Variants in PLCB4 observed in about 807,000 individuals in gnomAD.
PLCB4 encodes the protein 1-phosphatidylinositol 4,5-bisphosphate phosphodiesterase beta-4.
PLCB4 carries 77 observed loss-of-function variants against 178.8 expected under a neutral mutation model. That is an observed-to-expected ratio of 0.43 (90% CI 0.36 to 0.52). The LOEUF (loss-of-function observed/expected upper bound fraction) is 0.52, where lower values mean the gene tolerates loss of function less well. Among genes scored for constraint, PLCB4 ranks in the 20% least tolerant of loss-of-function variants. PLCB4 has a pLI of 0.00. For missense variants in PLCB4, 1,024 were observed against 1,453.4 expected (o/e 0.70, Z 4.80); for synonymous variants, 496 against 490.8 (o/e 1.01, Z -0.14).
At chr20:9,115,708 A>G (rs1295322296) in intron 2 of PLCB4, among the ~76,000 whole-genome samples, 1 of 151,178 alleles carries the variant, frequency 6.6e-6, no homozygotes, top group Non-Finnish European at 1.5e-5. Context: ...TGAAATGTAA[A>G]TTTAGTGTAA....
chr20:9,395,849 G>A (rs906581699), intron 19 of PLCB4, among the ~76,000 whole-genome samples: 2 of 152,072 alleles, frequency 1.3e-5, no homozygotes, highest in South Asian at 2.1e-4. Flanking sequence ...GCCTGTGTCT[G>A]TAGTCCCAGC....
At chr20:9,195,232 G>A (rs2093457062) in intron 2 of PLCB4, among the ~76,000 whole-genome samples, 1 of 152,192 alleles carries the variant, frequency 6.6e-6, no homozygotes, top group African/African-American at 2.4e-5. Flanking sequence ...ATGTGGATAT[G>A]AGTCACCTGG....
intron 35 of PLCB4, among the ~76,000 whole-genome samples, chr20:9,463,189 T>C (rs1047673339): frequency 1.3e-5 from 2 of 152,038 alleles, no homozygotes; most frequent in Admixed American, 6.5e-5. Flanking sequence ...GAAGGAGAAA[T>C]AAAATCCTTT....
chr20:9,395,696 G>T lies in PLCB4; in HGVS notation c.1510+78G>T, dbSNP rs192399562. 2.9e-6 allele frequency: 3 copies of T among 1,041,762 alleles called. No individual in the cohort carries two copies. In the Middle Eastern group the frequency reaches 6.7e-4, roughly 232 times the overall value. The allele number at this position is 1,041,762 out of a possible 1,614,324, so 64.5% of individuals were successfully genotyped here. A position where few individuals can be genotyped will look rare whatever the true frequency, so the allele number is the denominator to read the frequency against. On this transcript the variant is annotated intron_variant, in intron 19 of 39. Coordinates refer to ENST00000378473, the MANE Select transcript of PLCB4 (RefSeq NM_001377142.1). ...TAAGAAAACCAGGCTGGGCACAGTG[G>T]CTCAAGCCCATAATCCCAGCACTTG...
chr20:9,155,809 T>G (rs1434577098), intron 2 of PLCB4, among the ~76,000 whole-genome samples: 1 of 152,050 alleles, frequency 6.6e-6, no homozygotes, highest in African/African-American at 2.4e-5. Flanking sequence ...TCCCAGGGAG[T>G]AAGACATGTG....
intron 2 of PLCB4, among the ~76,000 whole-genome samples, chr20:9,111,574 C>T (rs1182149133): frequency 6.6e-6 from 1 of 152,126 alleles, no homozygotes; most frequent in Non-Finnish European, 1.5e-5. Flanking sequence ...CCATCTTCCA[C>T]CCACCCATTC....
At chr20:9,401,342 G>T in intron 19 of PLCB4, 148 bp from the exon 20 acceptor site, 1 of 587,916 alleles carries the variant, frequency 1.7e-6, no homozygotes, top group Non-Finnish European at 3.1e-6. Flanking sequence ...AGTTTTACTT[G>T]AAAAAATACT....
chr20:9,082,471 A>G (rs6039379), intron 1 of PLCB4, among the ~76,000 whole-genome samples: 21 of 152,210 alleles, frequency 1.4e-4, no homozygotes, highest in African/African-American at 4.6e-4. Context: ...CATTAATAGG[A>G]CTTAAGAGGT....
intron 2 of PLCB4, among the ~76,000 whole-genome samples, chr20:9,205,632 A>G (rs1186210236): frequency 1.3e-5 from 2 of 152,160 alleles, no homozygotes; most frequent in Admixed American, 1.3e-4. Flanking sequence ...TTAAGATTTT[A>G]CCAGTTTTAC....
At chr20:9,087,378 G>A (rs6039384) in intron 1 of PLCB4, among the ~76,000 whole-genome samples, 75,263 of 151,936 alleles carry the variant, frequency 0.5, 19,051 homozygotes, top group Middle Eastern at 0.57. Context: ...CACACTTAGT[G>A]AGACATAAAC....
intron 3 of PLCB4, among the ~76,000 whole-genome samples, chr20:9,253,565 T>G (rs1271348446): frequency 6.6e-6 from 1 of 152,218 alleles, no homozygotes; most frequent in Non-Finnish European, 1.5e-5. Flanking sequence ...GATGGCATCT[T>G]GCACACTTCC....
At chr20:9,360,304 C>A (rs2035208528) in intron 7 of PLCB4, among the ~76,000 whole-genome samples, 2 of 152,366 alleles carry the variant, frequency 1.3e-5, no homozygotes, top group East Asian at 1.9e-4. Flanking sequence ...GTCACTCTCA[C>A]TGACCTTTCC....
chr20:9,383,855 A>G (rs1415752796), intron 13 of PLCB4, among the ~76,000 whole-genome samples: 1 of 152,218 alleles, frequency 6.6e-6, no homozygotes, highest in Non-Finnish European at 1.5e-5. Context: ...AGAAGCTGAG[A>G]TCTAGGAGCC....
At chr20:9,177,369 T>G (rs1358454581) in intron 2 of PLCB4, among the ~76,000 whole-genome samples, 8 of 152,218 alleles carry the variant, frequency 5.3e-5, no homozygotes. Flanking sequence ...TGATAACTAA[T>G]TAAACTACTG....
chr20:9,130,707 T>C (rs2092250997), intron 2 of PLCB4, among the ~76,000 whole-genome samples: 1 of 152,238 alleles, frequency 6.6e-6, no homozygotes, highest in South Asian at 2.1e-4. Context: ...GAAATCCTTT[T>C]TGTTAACTTA....
intron 1 of PLCB4, among the ~76,000 whole-genome samples, chr20:9,076,724 C>T (rs2089886985): frequency 6.6e-6 from 1 of 152,192 alleles, no homozygotes; most frequent in African/African-American, 2.4e-5. Flanking sequence ...TGAGAGACCA[C>T]ACTGGATCAA....
At chr20:9,366,690 G>A (rs1279575889) in intron 9 of PLCB4, among the ~76,000 whole-genome samples, 1 of 152,152 alleles carries the variant, frequency 6.6e-6, no homozygotes, top group Non-Finnish European at 1.5e-5. Context: ...AATTCCAGAA[G>A]CTGGGCTGGG....
chr20:9,175,880 G>A (rs987246373), intron 2 of PLCB4, among the ~76,000 whole-genome samples: 2 of 152,032 alleles, frequency 1.3e-5, no homozygotes, highest in East Asian at 1.9e-4. Flanking sequence ...TAATTTACAC[G>A]GAATGATATG....
At chr20:9,156,154 G>C (rs1226441413) in intron 2 of PLCB4, among the ~76,000 whole-genome samples, 1 of 152,126 alleles carries the variant, frequency 6.6e-6, no homozygotes, top group Non-Finnish European at 1.5e-5. Context: ...TCTGCCATGG[G>C]TACTTCTGTT....
Sources: allele counts gnomAD v4.1 joint callset (sites outside exome capture counted in the v4.1 genomes callset), GRCh38; gene constraint gnomAD v4.1.1; transcripts MANE v1.5; gene names NCBI Gene and HGNC (gene_info 2026-07-23, HGNC 2026-07-21).